Variants in ZNF214 observed in about 807,000 individuals in gnomAD.
The protein encoded by ZNF214 is zinc finger protein 214.
Under a neutral mutation model 53.9 loss-of-function variants are expected in ZNF214, and 43 were observed. The ratio of observed to expected loss-of-function variants is 0.80; its 90% CI spans 0.63 to 1.03. The LOEUF (loss-of-function observed/expected upper bound fraction) is 1.03, where lower values mean the gene tolerates loss of function less well. Ranked by LOEUF, ZNF214 falls within the 50% of genes least tolerant of loss-of-function variation. ZNF214 has a pLI of 0.00. For missense variants in ZNF214, 724 were observed against 719.1 expected, an observed-to-expected ratio of 1.01 and a Z score of -0.08; for synonymous variants, 217 against 229.5, an observed-to-expected ratio of 0.95 and a Z score of 0.49.
rs1162129745 is a variant in ZNF214, at chr11:6,998,593, C to T, written c.*1269G>A. On this transcript the variant is annotated 3_prime_UTR_variant, in exon 3 of 3. Transcript: ENST00000278314. ...ATTTTGATACAGTATTTCAGAGCTC[C>T]CTGAAGTCCTTCTTTGTTGTATCTA... Among the ~76,000 whole-genome samples the T allele has an allele frequency of 1.3e-5, 2 of 151,796 alleles. No individual in the cohort carries two copies. The highest frequency in any genetic ancestry group is 2.4e-5 in the African/African-American group (1 of 41,362).
In ZNF214 at chr11:7,002,717, A is replaced by G; in HGVS notation, c.119T>C (p.Met40Thr). ...AGACGGGATAACTTTACCTACTGACATGACATTTGTGTAGTTCTCCCACAT... is the reference window on the plus strand; with the variant it reads ...AGACGGGATAACTTTACCTACTGACGTGACATTTGTGTAGTTCTCCCACAT... ...EVMWENYTNVMSVENWNESYK... is the reference protein window; with the variant it reads ...EVMWENYTNVTSVENWNESYK... Residue 40 changes from methionine (M) to threonine (T), a missense_variant, in exon 2 of 3, where the codon ATG becomes ACG. Met to Thr is a moderately conservative substitution (Grantham distance 81). Transcript: ENST00000278314. 1.3e-6 allele frequency: 2 copies of G among 1,598,134 alleles called. No homozygotes were observed. The highest frequency in any genetic ancestry group is 1.8e-5 in the Admixed American group (1 of 57,096).
chr11:7,014,016 A>G (rs1473231187), intron 1 of ZNF214, among the ~76,000 whole-genome samples: 2 of 152,236 alleles, frequency 1.3e-5, no homozygotes, highest in Non-Finnish European at 2.9e-5. Context: ...CAGAAGACAT[A>G]CAAACATATC....
At chr11:7,014,070 G>A (rs546055401) in intron 1 of ZNF214, among the ~76,000 whole-genome samples, 1 of 152,250 alleles carries the variant, frequency 6.6e-6, no homozygotes, top group South Asian at 2.1e-4. Flanking sequence ...CATTAAAACT[G>A]GAAACTTGAC....
intron 1 of ZNF214, among the ~76,000 whole-genome samples, chr11:7,008,664 A>T (rs1398449715): frequency 2.6e-5 from 4 of 152,152 alleles, no homozygotes; most frequent in Admixed American, 2.6e-4. Context: ...TGCAGATGAC[A>T]TGATTCCATA....
At chr11:7,007,064 A>G (rs903087755) in intron 1 of ZNF214, among the ~76,000 whole-genome samples, 1 of 151,938 alleles carries the variant, frequency 6.6e-6, no homozygotes, top group Non-Finnish European at 1.5e-5. Flanking sequence ...TATCTGAACT[A>G]CAATTCTTGA....
At chr11:7,015,147 G>A (rs1323884724) in intron 1 of ZNF214, among the ~76,000 whole-genome samples, 15 of 147,856 alleles carry the variant, frequency 1.0e-4, no homozygotes, top group South Asian at 8.6e-4. Context: ...GCTGGAGTGC[G>A]GTGGCATGAT....
At position 7,001,525 on chromosome 11, in the gene ZNF214, T is replaced by A. The variant is rs1851351657; in HGVS notation, c.158A>T (p.Glu53Val). Residue 53 changes from glutamate (E) to valine (V), a missense_variant, in exon 3 of 3, where the codon GAA becomes GTA. Transcript: ENST00000278314. ...ENWNESYKSQ[E>V]EKFRYLEYEN... is the part of the protein sequence containing the mutation. ...ATATTCTAAGTATCTGAATTTTTCT[T>A]CTTGGGATTTGTAGCTCTCATTCCA... The A allele has an allele frequency of 1.9e-6, 3 of 1,607,186 alleles. No individual in the cohort carries two copies. The highest frequency in any genetic ancestry group is 2.6e-6 in the Non-Finnish European group (3 of 1,175,942).
Position 7,000,412 on chromosome 11 carries a change from G to A in ZNF214, c.1271C>T (p.Thr424Ile), listed in dbSNP as rs1554949664. ...YKCEDCGKGFTQRSNLQIHQR... is the reference protein window; with the variant it reads ...YKCEDCGKGFIQRSNLQIHQR... ...ATGAATTTGAAGATTTGAGCGCTGG[G>A]TAAAGCCTTTACCACAGTCTTCACA... Residue 424 changes from threonine (T) to isoleucine (I), a missense_variant, in exon 3 of 3, where the codon ACC (threonine) becomes ATC (isoleucine). Thr to Ile is a moderately conservative substitution (Grantham distance 89). Transcript: ENST00000278314. The A allele has an allele frequency of 6.2e-7, 1 of 1,613,222 alleles. No individual in the cohort carries two copies.
chr11:7,019,227 TG>T (rs1386417128), intron 1 of ZNF214, among the ~76,000 whole-genome samples: 1 of 152,124 alleles, frequency 6.6e-6, no homozygotes, highest in Non-Finnish European at 1.5e-5. Flanking sequence ...ATATACTAAC[TG>T]GGTATGACGC....
At chr11:7,004,116 T>G (rs2133388660) in intron 1 of ZNF214, among the ~76,000 whole-genome samples, 1 of 151,960 alleles carries the variant, frequency 6.6e-6, no homozygotes, top group Admixed American at 6.6e-5. Context: ...TTTAAAAAAT[T>G]TAAGGATTTA....
intron 1 of ZNF214, among the ~76,000 whole-genome samples, chr11:7,009,727 C>G (rs948840262): frequency 9.2e-5 from 14 of 151,946 alleles, no homozygotes; most frequent in Admixed American, 2.0e-4. Context: ...AACAAATTAA[C>G]AGGCAAAAAA....
chr11:7,000,278 G>A lies in ZNF214; in HGVS notation c.1405C>T (p.Pro469Ser), dbSNP rs762619055. ...TTCCCACATTCAGGACAAGTATAGG[G>A]TTTCTCCCCTGTATGGACTCTCTGA... is the stretch of plus-strand genomic sequence containing the variant. Reference protein sequence around the residue: ...IHQRVHTGEKPYTCPECGKGF... With the variant: ...IHQRVHTGEKSYTCPECGKGF... Residue 469 changes from proline to serine, a missense_variant, in exon 3 of 3, where the codon CCC becomes TCC. By Grantham distance (74) the Pro-to-Ser change is moderately conservative (BLOSUM62 -1). Transcript: ENST00000278314. The A allele has an allele frequency of 2.5e-6, 4 of 1,613,294 alleles. No individual in the cohort carries two copies. Among genetic ancestry groups the A allele is most frequent in the Non-Finnish European group, 8.5e-7 (1 of 1,179,584 alleles).
Position 6,998,242 on chromosome 11 carries a change from C to T in ZNF214, c.*1620G>A, listed in dbSNP as rs1157553405. ...GGTTTTGCAGATAACCAGAATTTTT[C>T]TTTCTGCATGCTTTTAATTGCTTCT... On this transcript the variant is annotated 3_prime_UTR_variant, in exon 3 of 3. Transcript: ENST00000278314. Among the ~76,000 whole-genome samples the T allele has an allele frequency of 2.6e-5, 4 of 151,860 alleles. No homozygotes were observed. The highest frequency in any genetic ancestry group is 1.9e-4 in the East Asian group (1 of 5,184).
In ZNF214 at chr11:7,000,371, C is replaced by T. The variant is rs542389940; in HGVS notation, c.1312G>A (p.Gly438Arg). The part of the protein sequence containing the change: ...NLQIHQRVHT[G>R]EKPYKCDDCG... ...TCATCACATTTATAAGGTTTCTCTC[C>T]TGTATGCACTCTCTGATGAATTTGA... The change falls in exon 3 of 3, where the codon GGA (glycine) becomes AGA (arginine). Residue 438 changes from glycine (G) to arginine (R), a missense_variant. Gly to Arg is a moderately radical substitution (Grantham distance 125, BLOSUM62 -2). Transcript: ENST00000278314. The T allele has an allele frequency of 3.7e-6, 6 of 1,613,446 alleles. No homozygotes were observed. The highest frequency in any genetic ancestry group is 4.5e-5 in the East Asian group (2 of 44,854).
intron 1 of ZNF214, among the ~76,000 whole-genome samples, chr11:7,006,779 G>A (rs183915256): frequency 8.6e-5 from 13 of 151,516 alleles, no homozygotes; most frequent in African/African-American, 1.2e-4. Context: ...TCTTCACATC[G>A]CCACCTTTTC....
rs1421028396 is a variant in ZNF214 at position 7,000,790 on chromosome 11, A to G, written c.893T>C (p.Ile298Thr). Residue 298 changes from isoleucine (I) to threonine (T), a missense_variant, in exon 3 of 3, where the codon ATA (isoleucine) becomes ACA (threonine). By Grantham distance (89) the Ile-to-Thr change is moderately conservative. Transcript: ENST00000278314. ...ATTACAGCTATAAGGTACCTCCCCT[A>G]TGTGAACTCTCTGATGAAAGTGAAC... ...SGVHFHQRVH[I>T]GEVPYSCNAC... 6.2e-7 allele frequency: 1 copy of G among 1,610,916 alleles called. No individual in the cohort carries two copies. The highest frequency in any genetic ancestry group is 1.3e-5 in the African/African-American group (1 of 74,884).
At chr11:7,001,669 G>A in intron 2 of ZNF214, 114 bp from the exon 3 acceptor site, 2 of 1,250,698 alleles carry the variant, frequency 1.6e-6, no homozygotes, top group East Asian at 2.5e-5. Flanking sequence ...CTGGGGGTAG[G>A]AAAGAAGGGT....
At chr11:7,013,975 C>G (rs1851682517) in intron 1 of ZNF214, among the ~76,000 whole-genome samples, 1 of 152,162 alleles carries the variant, frequency 6.6e-6, no homozygotes, top group Non-Finnish European at 1.5e-5. Flanking sequence ...TCATTTAAAA[C>G]TACAGACAAA....
rs1338046753 is a variant in ZNF214, at chr11:7,002,847, T to C, written c.-12A>G. 1.3e-6 allele frequency: 2 copies of C among 1,583,138 alleles called. No individual in the cohort carries two copies. Among genetic ancestry groups the C allele is most frequent in the Non-Finnish European group, 8.6e-7 (1 of 1,168,908 alleles). On this transcript the variant is annotated 5_prime_UTR_variant, in exon 2 of 3. Transcript: ENST00000278314. Reference sequence around the variant, plus strand: ...AATGTTACTGCCATCTGGTCAAAGATCAGGCTTTCTAGGAAAAAGAAATCT... The same window carrying C: ...AATGTTACTGCCATCTGGTCAAAGACCAGGCTTTCTAGGAAAAAGAAATCT...
Sources: gnomAD v4.1 joint callset for allele counts (sites outside exome capture counted in the v4.1 genomes callset) on GRCh38, gnomAD v4.1.1 for gene constraint, MANE v1.5 for transcripts, NCBI Gene and HGNC (gene_info 2026-07-23, HGNC 2026-07-21) for gene names.